The following SORCS1 variants were observed in gnomAD, a reference collection of about 807,000 sequenced individuals.
The protein encoded by SORCS1 is VPS10 domain-containing receptor SorCS1.
A neutral mutation model predicts 146.1 loss-of-function variants in SORCS1; 60 were observed. The ratio of observed to expected loss-of-function variants is 0.41; its 90% CI spans 0.33 to 0.51. The LOEUF (loss-of-function observed/expected upper bound fraction) is 0.51. SORCS1 is among the 20% of genes least tolerant of loss of function. The pLI is 0.21. For missense variants in SORCS1, 1,352 were observed against 1,487.6 expected, an observed-to-expected ratio of 0.91 and a Z score of 1.50; for synonymous variants, 637 against 584.0, an observed-to-expected ratio of 1.09 and a Z score of -1.31.
intron 8 of SORCS1, among the ~76,000 whole-genome samples, chr10:106,705,539 T>C (rs1589701820): frequency 1.3e-5 from 2 of 152,300 alleles, no homozygotes; most frequent in African/African-American, 2.4e-5. Flanking sequence ...GGCAACTCAA[T>C]TAAAAAAAGT....
At chr10:107,013,767 G>A (rs1957777592) in intron 1 of SORCS1, among the ~76,000 whole-genome samples, 1 of 152,132 alleles carries the variant, frequency 6.6e-6, no homozygotes, top group Non-Finnish European at 1.5e-5. Flanking sequence ...CAGCGTGTCT[G>A]ACCTCCTCAT....
In SORCS1 at chr10:107,141,681, T is replaced by A. The variant is rs556348162; in HGVS notation, c.558+22288A>T. 2.0e-5 allele frequency among the ~76,000 whole-genome samples: 3 copies of A among 152,170 alleles called. No homozygotes were observed. In the South Asian group the frequency reaches 6.2e-4, roughly 32 times the overall value. On this transcript the variant is annotated intron_variant, in intron 1 of 25. Coordinates refer to ENST00000263054, the MANE Select transcript of SORCS1 (RefSeq NM_052918.5). ...GTTTCCAGTTAAGGCCCTAATTGGG[T>A]CTATTTTAAAGGCTGCCTGTAACAA...
intron 21 of SORCS1, among the ~76,000 whole-genome samples, chr10:106,614,761 A>G (rs1253333017): frequency 6.6e-6 from 1 of 152,232 alleles, no homozygotes; most frequent in East Asian, 1.9e-4. Context: ...GCAGGGAGGC[A>G]GAATGGCAGG....
intron 2 of SORCS1, among the ~76,000 whole-genome samples, chr10:106,935,105 TAA>T (rs1044268702): frequency 3.1e-4 from 45 of 145,492 alleles, no homozygotes; most frequent in African/African-American, 1.2e-3. Context: ...GAAAAGAAAA[TAA>T]TTTTTGGAAT....
intron 1 of SORCS1, among the ~76,000 whole-genome samples, chr10:107,012,507 TA>T (rs1957735151): frequency 6.6e-6 from 1 of 152,206 alleles, no homozygotes; most frequent in Non-Finnish European, 1.5e-5. Flanking sequence ...TATTAACTTT[TA>T]TTTTCACCAT....
chr10:106,846,052 A>T (rs866275830), intron 2 of SORCS1, among the ~76,000 whole-genome samples: 1 of 118,992 alleles, frequency 8.4e-6, no homozygotes, highest in African/African-American at 2.7e-5. Context: ...CTTAGGATTG[A>T]CTTGGCGATG....
chr10:107,149,002 C>T (rs1266243872), intron 1 of SORCS1, among the ~76,000 whole-genome samples: 2 of 152,192 alleles, frequency 1.3e-5, no homozygotes, highest in African/African-American at 4.8e-5. Flanking sequence ...CACCCTAAAA[C>T]CAGATCGGGA....
Position 106,719,268 on chromosome 10 carries a change from G to A in SORCS1, c.1025-9927C>T, listed in dbSNP as rs957918007. Among the ~76,000 whole-genome samples, 5 of 152,164 alleles carry A rather than the reference G, an allele frequency of 3.3e-5. No individual in the cohort carries two copies. In the East Asian group the frequency reaches 9.6e-4, roughly 29 times the overall value. ...ATACAGTTTCCAGTTTCTTCTCCAGGTGTTTTATTTTTATTTTTGGAAGGG... is the reference window on the plus strand; with the variant it reads ...ATACAGTTTCCAGTTTCTTCTCCAGATGTTTTATTTTTATTTTTGGAAGGG... On this transcript the variant is annotated intron_variant, in intron 6 of 25. Coordinates refer to ENST00000263054, the MANE Select transcript of SORCS1 (RefSeq NM_052918.5).
intron 1 of SORCS1, among the ~76,000 whole-genome samples, chr10:107,034,054 C>T (rs978363686): frequency 6.6e-6 from 1 of 152,206 alleles, no homozygotes; most frequent in African/African-American, 2.4e-5. Flanking sequence ...ATCAGCATCA[C>T]AAACACATTT....
Position 107,018,213 on chromosome 10 carries a change from C to T in SORCS1, c.559-61633G>A, listed in dbSNP as rs147977443. Among the ~76,000 whole-genome samples, 872 of 152,050 alleles carry T rather than the reference C, an allele frequency of 5.7e-3. 11 individuals carry two copies. The highest frequency in any genetic ancestry group is 0.02 in the African/African-American group (827 of 41,464). On this transcript the variant is annotated intron_variant, in intron 1 of 25. Coordinates refer to ENST00000263054, the MANE Select transcript of SORCS1 (RefSeq NM_052918.5). The stretch of plus-strand genomic sequence containing the variant: ...TTTCGGAGACGGAGTCCCGCTCCGT[C>T]GCCCAGGCTGGAGTGCAGTGGCGCA...
At chr10:106,699,633 G>A (rs963170552) in intron 8 of SORCS1, among the ~76,000 whole-genome samples, 2 of 152,200 alleles carry the variant, frequency 1.3e-5, no homozygotes, top group African/African-American at 2.4e-5. Flanking sequence ...TGATAGACCA[G>A]TTTTAATTGC....
At chr10:106,696,227 C>T (rs1853694688) in intron 9 of SORCS1, among the ~76,000 whole-genome samples, 1 of 152,234 alleles carries the variant, frequency 6.6e-6, no homozygotes. Flanking sequence ...GTAACCCCCA[C>T]CTCATGTGTT....
chr10:107,014,970 A>G (rs140684717), intron 1 of SORCS1, among the ~76,000 whole-genome samples: 49 of 152,284 alleles, frequency 3.2e-4, no homozygotes, highest in African/African-American at 1.2e-3. Context: ...CTACTAAGAG[A>G]ATATATTACT....
chr10:106,979,720 C>T (rs990658321), intron 1 of SORCS1, among the ~76,000 whole-genome samples: 4 of 152,214 alleles, frequency 2.6e-5, no homozygotes, highest in Non-Finnish European at 1.5e-5. Flanking sequence ...AGCCCTCTGC[C>T]ATCACTCGTG....
rs896088132 is a variant in SORCS1 at position 106,968,752 on chromosome 10, CT to C, written c.559-12173del. Among the ~76,000 whole-genome samples the C allele has an allele frequency of 2.4e-4, 37 of 151,630 alleles. 1 individual carries two copies. The highest frequency in any genetic ancestry group is 1.6e-3 in the Admixed American group (24 of 15,184). The stretch of plus-strand genomic sequence containing the variant: ...AACTGAAAAGAATGCAAGCTTTTAA[CT>C]TTTTTTTTCATTATCTCCTCTCATT... On this transcript the variant is annotated intron_variant, in intron 1 of 25. Transcript: ENST00000263054.
chr10:106,887,533 C>A (rs555975850), intron 2 of SORCS1, among the ~76,000 whole-genome samples: 7 of 151,952 alleles, frequency 4.6e-5, no homozygotes, highest in African/African-American at 1.7e-4. Context: ...GCGGAGATCA[C>A]GCCACTCTAC....
chr10:106,619,627 T>C (rs966642923), intron 20 of SORCS1, among the ~76,000 whole-genome samples: 1 of 152,124 alleles, frequency 6.6e-6, no homozygotes, highest in Non-Finnish European at 1.5e-5. Context: ...AAAACTGAAA[T>C]AGACCATGCA....
chr10:107,087,778 G>A (rs1963870736), intron 1 of SORCS1, among the ~76,000 whole-genome samples: 1 of 152,220 alleles, frequency 6.6e-6, no homozygotes, highest in African/African-American at 2.4e-5. Context: ...TAGCCGAGGA[G>A]GGAAAATAAA....
At chr10:106,579,518 G>A (rs778445165) in intron 24 of SORCS1, 44 bp from the exon 25 acceptor site, 2 of 1,597,960 alleles carry the variant, frequency 1.3e-6, no homozygotes, top group East Asian at 2.2e-5. Flanking sequence ...AGAGAACTGG[G>A]CAGGTGAGAC....
Sources: allele counts gnomAD v4.1 joint callset (sites outside exome capture counted in the v4.1 genomes callset), GRCh38; gene constraint gnomAD v4.1.1; transcripts MANE v1.5; gene names NCBI Gene and HGNC (gene_info 2026-07-23, HGNC 2026-07-21).